The following ACSL3 variants were observed in gnomAD, a reference collection of about 807,000 sequenced individuals.
ACSL3 encodes the protein acyl-CoA synthetase long chain family member 3, also known as fatty acid CoA ligase Acsl3.
ACSL3 carries 34 observed loss-of-function variants against 84.7 expected under a neutral mutation model. The ratio of observed to expected loss-of-function variants is 0.40; its 90% CI spans 0.31 to 0.53. The LOEUF (loss-of-function observed/expected upper bound fraction) is 0.53, where lower values mean the gene tolerates loss of function less well. ACSL3 is among the 20% of genes least tolerant of loss of function. The pLI is 0.48. For missense variants in ACSL3, 680 were observed against 873.1 expected, an observed-to-expected ratio of 0.78 and a Z score of 2.79; for synonymous variants, 315 against 299.4, an observed-to-expected ratio of 1.05 and a Z score of -0.54.
intron 1 of ACSL3, among the ~76,000 whole-genome samples, chr2:222,864,838 A>G (rs1695098795): frequency 1.3e-5 from 2 of 152,176 alleles, no homozygotes; most frequent in South Asian, 4.1e-4. Flanking sequence ...GGAGGAGGGG[A>G]CACCTTCCAC....
chr2:222,890,599 T>C (rs1032563279), intron 2 of ACSL3, among the ~76,000 whole-genome samples: 6 of 152,142 alleles, frequency 3.9e-5, no homozygotes, highest in African/African-American at 1.4e-4. Context: ...TAATTTTATT[T>C]TTTATTTCAC....
intron 11 of ACSL3, among the ~76,000 whole-genome samples, chr2:222,925,018 G>A (rs182258173): frequency 2.6e-5 from 3 of 116,088 alleles, no homozygotes; most frequent in East Asian, 2.7e-4. Flanking sequence ...GCGACAGAGC[G>A]AGAATCCGTC....
chr2:222,874,213 C>T (rs1321421169), intron 1 of ACSL3, among the ~76,000 whole-genome samples: 1 of 151,950 alleles, frequency 6.6e-6, no homozygotes, highest in African/African-American at 2.4e-5. Context: ...TTAGTAGAGA[C>T]CAGGCTTCAC....
chr2:222,885,183 C>T (rs1029374682), intron 1 of ACSL3, among the ~76,000 whole-genome samples: 1 of 152,102 alleles, frequency 6.6e-6, no homozygotes, highest in Non-Finnish European at 1.5e-5. Context: ...TCACCTTGGG[C>T]CATTTAATAA....
chr2:222,870,532 G>A (rs181915399), intron 1 of ACSL3, among the ~76,000 whole-genome samples: 179 of 152,318 alleles, frequency 1.2e-3, no homozygotes, highest in East Asian at 4.8e-3. Flanking sequence ...AGGGGTCAGC[G>A]GATGGGTAGA....
Position 222,944,621 on chromosome 2 carries a change from T to TG in ACSL3, c.*2968dup, listed in dbSNP as rs1209318835. On this transcript the variant is annotated 3_prime_UTR_variant, in exon 17 of 17. Coordinates refer to ENST00000357430, the MANE Select transcript of ACSL3 (RefSeq NM_004457.5). ...TTGAAGAATAAAGATCTATAAAAGTTGAAGTTTCTGATATTAAAGCTCTTA... is the reference window on the plus strand; with the variant it reads ...TTGAAGAATAAAGATCTATAAAAGTTGGAAGTTTCTGATATTAAAGCTCTTA... 1 of 151,002 alleles carries TG rather than the reference T, an allele frequency of 6.6e-6. No homozygotes were observed. The highest frequency in any genetic ancestry group is 2.4e-5 in the African/African-American group (1 of 41,138). The allele number at this position is 151,002 out of a possible 1,614,324, so 9.4% of individuals were successfully genotyped here.
chr2:222,917,905 T>C (rs1380674525), intron 5 of ACSL3, 141 bp from the exon 6 acceptor site: 2 of 489,544 alleles, frequency 4.1e-6, no homozygotes, highest in Non-Finnish European at 3.5e-6. Flanking sequence ...AAGATAACTT[T>C]AAAAAACATA....
chr2:222,939,043 C>G (rs535203286), intron 16 of ACSL3, among the ~76,000 whole-genome samples: 1 of 151,842 alleles, frequency 6.6e-6, no homozygotes, highest in East Asian at 1.9e-4. Context: ...TGTCTGTACT[C>G]TCTTGTAATT....
Position 222,934,681 on chromosome 2 carries a change from A to C in ACSL3, c.1999A>C (p.Ile667Leu), listed in dbSNP as rs138352775. 2.5e-6 allele frequency: 4 copies of C among 1,607,704 alleles called. No homozygotes were observed. Among genetic ancestry groups the C allele is most frequent in the Non-Finnish European group, 3.4e-6 (4 of 1,178,018 alleles). Reference protein sequence around the residue: ...EVLKVLSEAAISASLEKFEIP... With the variant: ...EVLKVLSEAALSASLEKFEIP... ...ACTTAAAGTGCTTTCCGAAGCTGCT[A>C]TTTCAGGTGAGTATTCGGTTAAACT... Residue 667 changes from isoleucine (I) to leucine (L), a missense_variant, in exon 16 of 17, where the codon ATT becomes CTT. Physicochemically the swap from Ile to Leu is conservative, Grantham distance 5. This residue lies in a region of ACSL3 where 347 missense variants were observed against 525.7 expected (regional missense o/e 0.66). Transcript: ENST00000357430.
At chr2:222,918,774 T>C (rs554645924) in intron 6 of ACSL3, among the ~76,000 whole-genome samples, 14 of 151,800 alleles carry the variant, frequency 9.2e-5, no homozygotes, top group African/African-American at 3.4e-4. Flanking sequence ...CTCTACAGTT[T>C]AGGCAACCTG....
chr2:222,936,608 T>TCCCCCCCCCCCC (rs55915039), intron 16 of ACSL3, among the ~76,000 whole-genome samples: 3 of 131,188 alleles, frequency 2.3e-5, no homozygotes, highest in African/African-American at 5.9e-5. Flanking sequence ...TTCTGCACCC[T>TCCCCCCCCCCCC]CCCCCCCCAC....
intron 2 of ACSL3, among the ~76,000 whole-genome samples, chr2:222,893,380 T>A (rs990313122): frequency 6.6e-6 from 1 of 152,188 alleles, no homozygotes; most frequent in African/African-American, 2.4e-5. Flanking sequence ...ATACCATTGT[T>A]GACTTCTTCC....
chr2:222,892,234 A>G (rs779809030), intron 2 of ACSL3, among the ~76,000 whole-genome samples: 22 of 152,222 alleles, frequency 1.4e-4, no homozygotes, highest in Non-Finnish European at 2.5e-4. Flanking sequence ...TGATATTTGT[A>G]AGAATTTAAA....
At chr2:222,904,755 T>G (rs953016925) in intron 3 of ACSL3, 3 of 154,110 alleles carry the variant, frequency 1.9e-5, no homozygotes, top group Non-Finnish European at 4.4e-5. Context: ...CTGACTCACA[T>G]AAATAAACAA....
chr2:222,881,816 A>C lies in ACSL3; in HGVS notation c.-206-6014A>C, dbSNP rs564243452. Among the ~76,000 whole-genome samples, 3 of 152,222 alleles carry C rather than the reference A, an allele frequency of 2.0e-5. No homozygotes were observed. The East Asian group carries it at 5.8e-4, about 29-fold the overall frequency. On this transcript the variant is annotated intron_variant, in intron 1 of 16. Coordinates refer to ENST00000357430, the MANE Select transcript of ACSL3 (RefSeq NM_004457.5). ...ATTGCGCCCGGCCTCACTTTTCTTA[A>C]ATACTTAAGAAAATGTATGGTGATG...
chr2:222,911,118 C>T (rs1268833622), intron 4 of ACSL3, among the ~76,000 whole-genome samples: 1 of 150,274 alleles, frequency 6.7e-6, no homozygotes, highest in South Asian at 2.1e-4. Flanking sequence ...GGTGCCGTCT[C>T]AGCTCACCGC....
At chr2:222,890,474 G>A (rs1483706441) in intron 2 of ACSL3, among the ~76,000 whole-genome samples, 1 of 152,058 alleles carries the variant, frequency 6.6e-6, no homozygotes, top group East Asian at 1.9e-4. Flanking sequence ...AAACATAACC[G>A]GAAGAGCTGT....
At chr2:222,872,711 C>T (rs943717101) in intron 1 of ACSL3, among the ~76,000 whole-genome samples, 11 of 151,966 alleles carry the variant, frequency 7.2e-5, no homozygotes, top group African/African-American at 2.7e-4. Flanking sequence ...GGTGGGGAAC[C>T]AGAGTAGGCT....
intron 2 of ACSL3, among the ~76,000 whole-genome samples, chr2:222,899,839 C>G (rs1696091213): frequency 1.3e-5 from 2 of 152,096 alleles, no homozygotes; most frequent in Non-Finnish European, 1.5e-5. Context: ...TTAGGAATGC[C>G]TTTGTTCTCC....
Sources: allele counts gnomAD v4.1 joint callset (sites outside exome capture counted in the v4.1 genomes callset), GRCh38; gene constraint gnomAD v4.1.1; regional missense constraint gnomAD v4.1.1; transcripts MANE v1.5; gene names NCBI Gene and HGNC (gene_info 2026-07-23, HGNC 2026-07-21).